The following IGFBP7 variants were observed in gnomAD, a reference collection of about 807,000 sequenced individuals.
IGFBP7 encodes the protein insulin like growth factor binding protein 7.
IGFBP7 carries 31 observed loss-of-function variants against 29.4 expected under a neutral mutation model. The ratio of observed to expected loss-of-function variants is 1.05; its 90% confidence interval spans 0.79 to 1.42. IGFBP7 has a LOEUF of 1.42. Among genes scored for constraint, IGFBP7 ranks in the 40% most tolerant of loss-of-function variants. The pLI is 0.00. For missense variants in IGFBP7, 393 were observed against 395.5 expected, an observed-to-expected ratio of 0.99 and a Z score of 0.05; for synonymous variants, 172 against 174.9, an observed-to-expected ratio of 0.98 and a Z score of 0.13.
intron 1 of IGFBP7, among the ~76,000 whole-genome samples, chr4:57,075,413 C>T (rs914644547): frequency 7.2e-6 from 1 of 139,828 alleles, no homozygotes; most frequent in African/African-American, 2.7e-5. Context: ...GATATCTTCT[C>T]CTCCCCTAAA....
intron 1 of IGFBP7, among the ~76,000 whole-genome samples, chr4:57,055,034 C>T (rs933381357): frequency 3.3e-5 from 5 of 152,284 alleles, no homozygotes; most frequent in Admixed American, 1.3e-4. Context: ...CTGTGGGGTC[C>T]GACAGTGCAG....
At chr4:57,077,953 ATTAC>A (rs1427677592) in intron 1 of IGFBP7, among the ~76,000 whole-genome samples, 1 of 152,174 alleles carries the variant, frequency 6.6e-6, no homozygotes, top group Non-Finnish European at 1.5e-5. Flanking sequence ...AATCGGCACT[ATTAC>A]TTACAATTTC....
intron 1 of IGFBP7, among the ~76,000 whole-genome samples, chr4:57,076,330 C>T (rs1027316025): frequency 1.2e-4 from 18 of 152,178 alleles, no homozygotes; most frequent in Non-Finnish European, 2.1e-4. Context: ...CTAGAACCAA[C>T]GTACCAAGGA....
intron 1 of IGFBP7, among the ~76,000 whole-genome samples, chr4:57,099,411 A>G (rs1453845402): frequency 6.6e-6 from 1 of 152,236 alleles, no homozygotes; most frequent in African/African-American, 2.4e-5. Flanking sequence ...TCCTTAGACC[A>G]TAGCTTAGAT....
chr4:57,081,880 A>G (rs983919528), intron 1 of IGFBP7, among the ~76,000 whole-genome samples: 6 of 152,134 alleles, frequency 3.9e-5, no homozygotes, highest in African/African-American at 1.2e-4. Flanking sequence ...TGGGTTTGCA[A>G]TTGAATCACC....
chr4:57,043,004 G>A (rs889159200), intron 1 of IGFBP7, among the ~76,000 whole-genome samples: 3 of 152,206 alleles, frequency 2.0e-5, no homozygotes, highest in Non-Finnish European at 2.9e-5. Context: ...ACAAAACTGT[G>A]GAAGCCAACA....
At chr4:57,038,407 G>A (rs1724135489) in intron 2 of IGFBP7, among the ~76,000 whole-genome samples, 1 of 152,202 alleles carries the variant, frequency 6.6e-6, no homozygotes, top group African/African-American at 2.4e-5. Flanking sequence ...TTAGAGTTCT[G>A]ATGGCGTGTG....
At chr4:57,079,658 A>AT (rs1181345225) in intron 1 of IGFBP7, among the ~76,000 whole-genome samples, 11 of 152,108 alleles carry the variant, frequency 7.2e-5, no homozygotes, top group South Asian at 6.2e-4. Flanking sequence ...CTCCACTAAG[A>AT]TTTTTTTTAA....
chr4:57,077,291 TGA>T (rs1278969581), intron 1 of IGFBP7, among the ~76,000 whole-genome samples: 1 of 152,164 alleles, frequency 6.6e-6, no homozygotes, highest in Non-Finnish European at 1.5e-5. Flanking sequence ...ATTTATTTAT[TGA>T]GACAGAGTCT....
At chr4:57,102,701 A>C (rs1206642087) in intron 1 of IGFBP7, among the ~76,000 whole-genome samples, 1 of 152,208 alleles carries the variant, frequency 6.6e-6, no homozygotes, top group Non-Finnish European at 1.5e-5. Flanking sequence ...AAGTCCTCTA[A>C]GGCCCCACTT....
chr4:57,046,498 A>T (rs1293500704), intron 1 of IGFBP7, among the ~76,000 whole-genome samples: 1 of 152,178 alleles, frequency 6.6e-6, no homozygotes, highest in Non-Finnish European at 1.5e-5. Flanking sequence ...TCATACAGAA[A>T]GCTCAAAATC....
At chr4:57,059,808 T>A (rs767312557) in intron 1 of IGFBP7, among the ~76,000 whole-genome samples, 1 of 152,206 alleles carries the variant, frequency 6.6e-6, no homozygotes, top group Non-Finnish European at 1.5e-5. Context: ...CTAATCATCA[T>A]CAACTTTAAT....
At chr4:57,081,853 C>G (rs1725378986) in intron 1 of IGFBP7, among the ~76,000 whole-genome samples, 3 of 152,158 alleles carry the variant, frequency 2.0e-5, no homozygotes, top group Admixed American at 6.5e-5. Flanking sequence ...TATTCTGGCT[C>G]CAAAGTGCTG....
At chr4:57,064,987 T>C (rs1724883893) in intron 1 of IGFBP7, among the ~76,000 whole-genome samples, 1 of 152,260 alleles carries the variant, frequency 6.6e-6, no homozygotes, top group African/African-American at 2.4e-5. Flanking sequence ...AGCAGGCAGT[T>C]TAGTTGTGGG....
At chr4:57,057,169 C>T (rs1275600753) in intron 1 of IGFBP7, among the ~76,000 whole-genome samples, 2 of 152,124 alleles carry the variant, frequency 1.3e-5, no homozygotes, top group Non-Finnish European at 2.9e-5. Context: ...CCATCCCTGG[C>T]TAAGTTTTTA....
chr4:57,040,845 T>G lies in IGFBP7; in HGVS notation c.564A>C (p.Thr188=), dbSNP rs779606144. Residue 188 remains threonine, a synonymous_variant, in exon 2 of 5, where the codon ACA becomes ACC. Coordinates refer to ENST00000295666, the MANE Select transcript of IGFBP7 (RefSeq NM_001553.3). The stretch of plus-strand genomic sequence containing the variant: ...AGACCTTGTTCCAGATGAGGACAGG[T>G]GTCGGGATTCCGATGACCTCACAGC... ...YLSCEVIGIP[T]PVLIWNKVKR... The G allele has an allele frequency of 6.2e-7, 1 of 1,613,048 alleles. No homozygotes were observed.
intron 2 of IGFBP7, among the ~76,000 whole-genome samples, chr4:57,033,691 G>T (rs1396665574): frequency 2.0e-5 from 3 of 152,082 alleles, no homozygotes; most frequent in Non-Finnish European, 2.9e-5. Flanking sequence ...CCAGCACTAG[G>T]TTTGATGCTT....
intron 1 of IGFBP7, among the ~76,000 whole-genome samples, chr4:57,082,537 GAA>G (rs1392926558): frequency 6.6e-6 from 1 of 152,128 alleles, no homozygotes; most frequent in East Asian, 1.9e-4. Context: ...AAGAAGGAAA[GAA>G]AAGAACCTTC....
chr4:57,109,627 C>T, intron 1 of IGFBP7: 1 of 553,744 alleles, frequency 1.8e-6, no homozygotes, highest in African/African-American at 2.0e-5. Context: ...CATATACACC[C>T]GGCCCTCACT....
Sources: allele counts gnomAD v4.1 joint callset (sites outside exome capture counted in the v4.1 genomes callset), GRCh38; gene constraint gnomAD v4.1.1; transcripts MANE v1.5; gene names NCBI Gene and HGNC (gene_info 2026-07-23, HGNC 2026-07-21).